The following PPM1L variants were observed in gnomAD, a reference collection of about 807,000 sequenced individuals.
PPM1L encodes the protein protein phosphatase 1L.
A neutral mutation model predicts 31.4 loss-of-function variants in PPM1L; 13 were observed. That is an observed-to-expected ratio of 0.41 (90% CI 0.27 to 0.66). The LOEUF (loss-of-function observed/expected upper bound fraction) is 0.66, where lower values mean the gene tolerates loss of function less well. PPM1L is among the 30% of genes least tolerant of loss of function. PPM1L has a pLI of 0.29. For missense variants in PPM1L, 326 were observed against 453.7 expected, an observed-to-expected ratio of 0.72 and a Z score of 2.56; for synonymous variants, 184 against 175.4, an observed-to-expected ratio of 1.05 and a Z score of -0.39.
At chr3:160,988,388 C>T (rs570940607) in intron 2 of PPM1L, among the ~76,000 whole-genome samples, 2 of 152,296 alleles carry the variant, frequency 1.3e-5, no homozygotes, top group South Asian at 2.1e-4. Flanking sequence ...AGCCACTTCA[C>T]AGTTGCTATA....
chr3:160,982,673 A>T (rs1182616928), intron 2 of PPM1L, among the ~76,000 whole-genome samples: 1 of 152,126 alleles, frequency 6.6e-6, no homozygotes, highest in Non-Finnish European at 1.5e-5. Flanking sequence ...TTGTGTAGAG[A>T]AAAAGGAATG....
chr3:160,831,934 G>A (rs1397338024), intron 1 of PPM1L, among the ~76,000 whole-genome samples: 2 of 152,256 alleles, frequency 1.3e-5, no homozygotes, highest in East Asian at 3.9e-4. Flanking sequence ...ACCCTGTATT[G>A]TTCTACAAGT....
At chr3:160,828,950 T>C (rs1168927133) in intron 1 of PPM1L, among the ~76,000 whole-genome samples, 1 of 152,156 alleles carries the variant, frequency 6.6e-6, no homozygotes, top group Non-Finnish European at 1.5e-5. Context: ...CATTTCCACC[T>C]GGATCTCTGT....
At chr3:161,044,274 A>C (rs891921075) in intron 2 of PPM1L, among the ~76,000 whole-genome samples, 2 of 152,094 alleles carry the variant, frequency 1.3e-5, no homozygotes, top group African/African-American at 4.8e-5. Context: ...TCCTGACCTC[A>C]AATGATCCAC....
chr3:160,936,090 A>G (rs1301456908), intron 1 of PPM1L, among the ~76,000 whole-genome samples: 2 of 152,032 alleles, frequency 1.3e-5, no homozygotes, highest in African/African-American at 4.8e-5. Flanking sequence ...TAACAATTAT[A>G]AGGGTTATGT....
At chr3:161,019,977 T>G (rs1207281693) in intron 2 of PPM1L, among the ~76,000 whole-genome samples, 1 of 151,954 alleles carries the variant, frequency 6.6e-6, no homozygotes, top group Admixed American at 6.6e-5. Context: ...ATACAAAAAA[T>G]TACCTGAGTG....
chr3:160,834,507 G>GTGTGTGGT lies in PPM1L; in HGVS notation c.399+77807_399+77814dup, dbSNP rs1315397893. On this transcript the variant is annotated intron_variant, in intron 1 of 3. Transcript: ENST00000498165. ...TGTGTGTGTGTGTGTGTGTGTGTGT[G>GTGTGTGGT]TGTGTGGTTGTGTGTAGTTCCATCA... Among the ~76,000 whole-genome samples, 4 of 147,814 alleles carry GTGTGTGGT rather than the reference G, an allele frequency of 2.7e-5. No homozygotes were observed. The East Asian group carries it at 7.9e-4, about 29-fold the overall frequency.
intron 1 of PPM1L, among the ~76,000 whole-genome samples, chr3:160,883,680 C>T (rs759904028): frequency 5.3e-5 from 8 of 151,590 alleles, no homozygotes; most frequent in African/African-American, 1.2e-4. Context: ...GGACATGGGG[C>T]GAGGGAGAAA....
chr3:160,943,693 T>C (rs1332092519), intron 1 of PPM1L, among the ~76,000 whole-genome samples: 1 of 152,194 alleles, frequency 6.6e-6, no homozygotes. Context: ...TTTCATTTAA[T>C]TGATAGTAGA....
At chr3:160,977,803 AC>A (rs1378803978) in intron 2 of PPM1L, among the ~76,000 whole-genome samples, 1 of 152,214 alleles carries the variant, frequency 6.6e-6, no homozygotes, top group Non-Finnish European at 1.5e-5. Flanking sequence ...CTTTCTGATA[AC>A]CAGAGCAAAA....
At position 161,075,966 on chromosome 3, in the gene PPM1L, C is replaced by G. The variant is rs917096235; in HGVS notation, c.*6809C>G. The G allele has an allele frequency of 6.6e-6, 1 of 152,160 alleles. No homozygotes were observed. The highest frequency in any genetic ancestry group is 2.4e-5 in the African/African-American group (1 of 41,428). 9.4% of individuals were successfully genotyped at this position (152,160 alleles called of 1,614,324 possible). A position where few individuals can be genotyped will look rare whatever the true frequency, so the allele number is the denominator to read the frequency against. On this transcript the variant is annotated 3_prime_UTR_variant, in exon 4 of 4. Transcript: ENST00000498165. ...CAGTAAAACTGAAGTCAGATAAACA[C>G]AGTCACAGGTACAACTGGGAGCGAG... is the stretch of plus-strand genomic sequence containing the variant.
intron 2 of PPM1L, among the ~76,000 whole-genome samples, chr3:161,019,224 C>T: frequency 6.6e-6 from 1 of 152,176 alleles, no homozygotes; most frequent in Non-Finnish European, 1.5e-5. Flanking sequence ...AACAAGGTCT[C>T]ATTCTGTCAC....
At chr3:160,821,990 A>C (rs1037907006) in intron 1 of PPM1L, among the ~76,000 whole-genome samples, 1 of 152,202 alleles carries the variant, frequency 6.6e-6, no homozygotes, top group South Asian at 2.1e-4. Context: ...TGGGATCAGA[A>C]CTAAGGTCTT....
chr3:161,047,126 G>C (rs1260222783), intron 2 of PPM1L, among the ~76,000 whole-genome samples: 1 of 152,118 alleles, frequency 6.6e-6, no homozygotes, highest in Admixed American at 6.6e-5. Context: ...AGGGTATTCA[G>C]CTAAGAAAAG....
intron 1 of PPM1L, among the ~76,000 whole-genome samples, chr3:160,760,302 T>G (rs896170230): frequency 6.6e-6 from 1 of 152,234 alleles, no homozygotes; most frequent in East Asian, 1.9e-4. Context: ...TTCAGCCTCT[T>G]ATGATTTGGG....
At chr3:161,064,905 A>G (rs1719678124) in intron 2 of PPM1L, among the ~76,000 whole-genome samples, 1 of 151,994 alleles carries the variant, frequency 6.6e-6, no homozygotes, top group South Asian at 2.1e-4. Context: ...TGTATAGGCA[A>G]GCTCAACCTG....
At chr3:161,025,962 G>A (rs57009978) in intron 2 of PPM1L, among the ~76,000 whole-genome samples, 31,944 of 151,998 alleles carry the variant, frequency 0.21, 3,556 homozygotes, top group South Asian at 0.31. Flanking sequence ...TGGTAGGTAC[G>A]TGAATATTTG....
chr3:161,069,152 C>G lies in PPM1L; in HGVS notation c.1078C>G (p.Gln360Glu). 2 of 1,611,544 alleles carry G rather than the reference C, an allele frequency of 1.2e-6. No homozygotes were observed. Among genetic ancestry groups the G allele is most frequent in the South Asian group, 2.2e-5 (2 of 90,764 alleles). Residue 360 changes from glutamine (Q) to glutamate (E), a missense_variant, in exon 4 of 4, where the codon CAG becomes GAG. Physicochemically the swap from Gln to Glu is conservative, Grantham distance 29. Coordinates refer to ENST00000498165, the MANE Select transcript of PPM1L (RefSeq NM_139245.4). ...KFRNSSKTEE[Q>E] ...CAGAAATAGCAGCAAAACAGAAGAG[C>G]AGTGAACCCTTCAGGGGTCTCAGCT...
chr3:160,763,219 G>A (rs1044456291), intron 1 of PPM1L, among the ~76,000 whole-genome samples: 2 of 152,218 alleles, frequency 1.3e-5, no homozygotes, highest in Non-Finnish European at 2.9e-5. Flanking sequence ...CAGGTGGAGA[G>A]CACTTCCAGT....
Sources: gnomAD v4.1 joint callset for allele counts (sites outside exome capture counted in the v4.1 genomes callset) on GRCh38, gnomAD v4.1.1 for gene constraint, MANE v1.5 for transcripts, NCBI Gene and HGNC (gene_info 2026-07-23, HGNC 2026-07-21) for gene names.